CSMD1: variants seen among roughly 807,000 people sequenced by gnomAD.
CSMD1 encodes the protein CUB and sushi domain-containing protein 1.
A neutral mutation model predicts 417.5 loss-of-function variants in CSMD1; 213 were observed. The observed-to-expected ratio is 0.51, with a 90% CI of 0.46 to 0.57. The LOEUF (loss-of-function observed/expected upper bound fraction) is 0.57, where lower values mean the gene tolerates loss of function less well. Ranked by LOEUF, CSMD1 falls within the 20% of genes least tolerant of loss-of-function variation. CSMD1 has a pLI of 0.00. For synonymous variants in CSMD1, 2,862 were observed against 1,736.8 expected, an observed-to-expected ratio of 1.65 and a Z score of -16.11; for missense variants, 6,923 against 4,529.7, an observed-to-expected ratio of 1.53 and a Z score of -15.17.
At chr8:3,294,488 G>A (rs887822869) in intron 25 of CSMD1, among the ~76,000 whole-genome samples, 2 of 152,254 alleles carry the variant, frequency 1.3e-5, no homozygotes, top group East Asian at 1.9e-4. Context: ...AAGCTTCTGG[G>A]CCGTTTTTTT....
chr8:3,727,965 G>A (rs1485683918), intron 6 of CSMD1, among the ~76,000 whole-genome samples: 1 of 152,100 alleles, frequency 6.6e-6, no homozygotes, highest in Non-Finnish European at 1.5e-5. Context: ...GAGTTTAATG[G>A]GTGCAGACTT....
intron 2 of CSMD1, among the ~76,000 whole-genome samples, chr8:4,586,693 C>T (rs768339535): frequency 1.3e-5 from 2 of 152,002 alleles, no homozygotes; most frequent in South Asian, 2.1e-4. Context: ...TATGAAATAC[C>T]GCCACACCAT....
At chr8:3,377,907 C>A (rs939954940) in intron 18 of CSMD1, among the ~76,000 whole-genome samples, 2 of 152,186 alleles carry the variant, frequency 1.3e-5, no homozygotes, top group African/African-American at 4.8e-5. Context: ...TATTATCTCT[C>A]TCTCTCTTTC....
chr8:4,551,730 G>C (rs748135587), intron 2 of CSMD1, among the ~76,000 whole-genome samples: 2 of 152,154 alleles, frequency 1.3e-5, no homozygotes, highest in Non-Finnish European at 1.5e-5. Flanking sequence ...TGGAGTCCAG[G>C]CTGGAGTCCA....
intron 7 of CSMD1, among the ~76,000 whole-genome samples, chr8:3,655,680 T>C (rs1032181152): frequency 1.3e-5 from 2 of 149,764 alleles, no homozygotes; most frequent in Admixed American, 1.4e-4. Flanking sequence ...TTTTTTTTTT[T>C]TAATCTTCCA....
intron 3 of CSMD1, among the ~76,000 whole-genome samples, chr8:4,266,350 C>A (rs1227444278): frequency 1.9e-5 from 2 of 104,994 alleles, no homozygotes; most frequent in Non-Finnish European, 5.1e-5. Context: ...AAAACAAACA[C>A]AACTTTTTAA....
intron 3 of CSMD1, among the ~76,000 whole-genome samples, chr8:4,200,539 A>T (rs1228646409): frequency 6.6e-6 from 1 of 152,130 alleles, no homozygotes; most frequent in Non-Finnish European, 1.5e-5. Context: ...ATTAATATAA[A>T]TGCCTGCTGT....
intron 3 of CSMD1, among the ~76,000 whole-genome samples, chr8:4,264,584 G>C (rs373042278): frequency 6.6e-6 from 1 of 152,102 alleles, no homozygotes; most frequent in Non-Finnish European, 1.5e-5. Flanking sequence ...TGGAAGACTG[G>C]TTCCTCGGCG....
At chr8:3,647,890 G>A (rs537392854) in intron 7 of CSMD1, among the ~76,000 whole-genome samples, 6 of 152,198 alleles carry the variant, frequency 3.9e-5, no homozygotes, top group Non-Finnish European at 7.3e-5. Flanking sequence ...GTGTAAGTTT[G>A]GAATTACTTC....
At chr8:4,132,192 A>ATTT (rs5889019) in intron 3 of CSMD1, among the ~76,000 whole-genome samples, 8 of 95,790 alleles carry the variant, frequency 8.4e-5, no homozygotes, top group African/African-American at 1.9e-4. Flanking sequence ...TTTGTCATGG[A>ATTT]TTTTTTTTTT....
chr8:4,468,570 C>G (rs1042366350), intron 2 of CSMD1, among the ~76,000 whole-genome samples: 1 of 152,132 alleles, frequency 6.6e-6, no homozygotes, highest in Non-Finnish European at 1.5e-5. Context: ...ATCCTCCTTC[C>G]TTGATTCATC....
At chr8:3,026,143 G>C (rs1289378530) in intron 51 of CSMD1, among the ~76,000 whole-genome samples, 1 of 152,162 alleles carries the variant, frequency 6.6e-6, no homozygotes, top group Non-Finnish European at 1.5e-5. Context: ...GCCCTTATCA[G>C]GAACTAAGTC....
At chr8:4,479,994 A>G (rs1366859788) in intron 2 of CSMD1, among the ~76,000 whole-genome samples, 1 of 151,690 alleles carries the variant, frequency 6.6e-6, no homozygotes, top group East Asian at 1.9e-4. Context: ...AAAGTCAACA[A>G]AAAAAAGCAA....
At chr8:3,743,111 G>T (rs1041714507) in intron 6 of CSMD1, among the ~76,000 whole-genome samples, 2 of 152,120 alleles carry the variant, frequency 1.3e-5, no homozygotes, top group African/African-American at 4.8e-5. Context: ...ACCTTTAAAG[G>T]AACTGAGAGA....
At chr8:4,778,053 A>C (rs1173079303) in intron 1 of CSMD1, among the ~76,000 whole-genome samples, 1 of 152,220 alleles carries the variant, frequency 6.6e-6, no homozygotes, top group Non-Finnish European at 1.5e-5. Flanking sequence ...AAATTCAGAC[A>C]CATAAACACA....
At chr8:4,440,112 A>G (rs1298354800) in intron 2 of CSMD1, among the ~76,000 whole-genome samples, 2 of 152,176 alleles carry the variant, frequency 1.3e-5, no homozygotes, top group African/African-American at 4.8e-5. Flanking sequence ...AGAGGAACTC[A>G]TTCTCTTTAA....
At chr8:4,250,508 G>GAATT (rs1802995515) in intron 3 of CSMD1, among the ~76,000 whole-genome samples, 1 of 152,092 alleles carries the variant, frequency 6.6e-6, no homozygotes, top group South Asian at 2.1e-4. Context: ...ACTCTTGGTG[G>GAATT]AATTATATGT....
intron 5 of CSMD1, among the ~76,000 whole-genome samples, chr8:3,914,795 A>G (rs1315128420): frequency 6.6e-6 from 1 of 152,034 alleles, no homozygotes; most frequent in East Asian, 1.9e-4. Context: ...TCCTCAACAA[A>G]GATTTATTGA....
At chr8:4,773,178 C>A (rs1294483562) in intron 1 of CSMD1, among the ~76,000 whole-genome samples, 5 of 152,160 alleles carry the variant, frequency 3.3e-5, no homozygotes, top group African/African-American at 9.6e-5. Context: ...TTCCTGTGAG[C>A]ATTTCCTTCT....
Sources: gnomAD v4.1 joint callset for allele counts (sites outside exome capture counted in the v4.1 genomes callset) on GRCh38, gnomAD v4.1.1 for gene constraint, MANE v1.5 for transcripts, NCBI Gene and HGNC (gene_info 2026-07-23, HGNC 2026-07-21) for gene names.